Variants in NDST1 observed in about 807,000 individuals in gnomAD.
NDST1 encodes bifunctional heparan sulfate N-deacetylase/N-sulfotransferase 1.
In NDST1, 35 loss-of-function variants were observed where a neutral mutation model predicts 92.8. That is an observed-to-expected ratio of 0.38 (90% CI 0.29 to 0.50). The LOEUF (loss-of-function observed/expected upper bound fraction) is 0.50. Ranked by LOEUF, NDST1 falls within the 20% of genes least tolerant of loss-of-function variation. The pLI is 0.94. For synonymous variants in NDST1, 493 were observed against 500.3 expected (o/e 0.99, Z 0.19); for missense variants, 822 against 1,182.7 (o/e 0.69, Z 4.47).
At chr5:150,550,933 A>G (rs1251723989) in intron 13 of NDST1, 1 of 152,508 alleles carries the variant, frequency 6.6e-6, no homozygotes, top group Non-Finnish European at 1.5e-5. Flanking sequence ...CTTGGCATGC[A>G]CTAAGTGCTA....
At position 150,539,223 on chromosome 5, in the gene NDST1, C is replaced by G. The variant is rs781070780; in HGVS notation, c.1438-5C>G. On this transcript the variant is annotated splice_polypyrimidine_tract_variant and splice_region_variant and intron_variant, in intron 6 of 14. Transcript: ENST00000261797. ...CATAGCTCCTCTCCCCCACCCCCTC[C>G]TCAGGTTCTCCCACGGCAGACCTGC... The G allele has an allele frequency of 3.7e-6, 6 of 1,613,508 alleles. No individual in the cohort carries two copies. Among genetic ancestry groups the G allele is most frequent in the Non-Finnish European group, 5.1e-6 (6 of 1,179,428 alleles).
intron 5 of NDST1, 187 bp from the exon 6 acceptor site, chr5:150,535,513 C>G: frequency 1.4e-6 from 1 of 698,078 alleles, no homozygotes; most frequent in East Asian, 1.3e-4. Flanking sequence ...TGCCAGTTGC[C>G]CACACTGAGA....
chr5:150,509,619 T>C (rs1753626843), intron 1 of NDST1, among the ~76,000 whole-genome samples: 1 of 152,146 alleles, frequency 6.6e-6, no homozygotes, highest in Admixed American at 6.5e-5. Context: ...TTCAAGCGAT[T>C]CTCCTGCCTC....
chr5:150,549,801 T>C lies in NDST1; in HGVS notation c.2426+14T>C. 6.5e-7 allele frequency: 1 copy of C among 1,542,862 alleles called. No homozygotes were observed. The highest frequency in any genetic ancestry group is 1.7e-5 in the Admixed American group (1 of 59,900). On this transcript the variant is annotated intron_variant, in intron 13 of 14. Transcript: ENST00000261797. Reference sequence around the variant, plus strand: ...CAAAACCTTGGCGTGAGTGTTGCCTTTTCCTTTCTGCAGGTTATTTCCCTG... The same window carrying C: ...CAAAACCTTGGCGTGAGTGTTGCCTCTTCCTTTCTGCAGGTTATTTCCCTG...
rs151162884 is a variant in NDST1, at chr5:150,553,008, C to T, written c.2530-205C>T. Among the ~76,000 whole-genome samples the T allele has an allele frequency of 1.2e-3, 185 of 152,136 alleles. 1 individual carries two copies. Among genetic ancestry groups the T allele is most frequent in the African/African-American group, 4.1e-3 (169 of 41,498 alleles). On this transcript the variant is annotated intron_variant, in intron 14 of 14. Transcript: ENST00000261797. The surrounding 1 kb of genome is among the most constrained non-coding windows in gnomAD (Gnocchi z 4.2). ...ATTACTGGCGCCCACCACCTCACCC[C>T]GCTAATTTTTGTATTTTTAGTAGGG... is the stretch of plus-strand genomic sequence containing the variant.
chr5:150,539,249 G>A lies in NDST1; in HGVS notation c.1459G>A (p.Gly487Ser), dbSNP rs1755134882. 6.2e-7 allele frequency: 1 copy of A among 1,613,756 alleles called. No individual in the cohort carries two copies. Among genetic ancestry groups the A allele is most frequent in the South Asian group, 1.1e-5 (1 of 91,054 alleles). The change falls in exon 7 of 15, where the codon GGC (glycine) becomes AGC (serine). Residue 487 changes from glycine (G) to serine (S), a missense_variant. Gly to Ser is a moderately conservative substitution (Grantham distance 56, BLOSUM62 0). Transcript: ENST00000261797. The stretch of plus-strand genomic sequence containing the variant: ...TCAGGTTCTCCCACGGCAGACCTGC[G>A]GCCTCTTCACACACACCATCTTCTA... ...GIMVLPRQTCGLFTHTIFYNE... is the reference protein window; with the variant it reads ...GIMVLPRQTCSLFTHTIFYNE...
intron 10 of NDST1, among the ~76,000 whole-genome samples, 185 bp downstream of exon 10, chr5:150,543,156 C>T (rs909446713): frequency 3.9e-5 from 6 of 152,190 alleles, no homozygotes; most frequent in African/African-American, 1.2e-4. Context: ...ACAGGACACT[C>T]GATGAGGAGG....
At chr5:150,542,378 A>G (rs1755284436) in intron 9 of NDST1, among the ~76,000 whole-genome samples, 1 of 152,254 alleles carries the variant, frequency 6.6e-6, no homozygotes, top group Non-Finnish European at 1.5e-5. Flanking sequence ...AAGAAGAGAC[A>G]TAGGAACAAG....
intron 2 of NDST1, among the ~76,000 whole-genome samples, chr5:150,527,406 G>T (rs1255356311): frequency 6.6e-6 from 1 of 152,186 alleles, no homozygotes; most frequent in Non-Finnish European, 1.5e-5. Flanking sequence ...AGAAACTGAG[G>T]CACAGAGAGG....
At chr5:150,546,253 C>T (rs961365817) in intron 11 of NDST1, among the ~76,000 whole-genome samples, 3 of 152,188 alleles carry the variant, frequency 2.0e-5, no homozygotes, top group Non-Finnish European at 4.4e-5. Context: ...GCCTCGGCCT[C>T]TCAAAGTGCT....
At chr5:150,539,724 C>T in intron 7 of NDST1, 1 of 984,870 alleles carries the variant, frequency 1.0e-6, no homozygotes, top group Non-Finnish European at 1.2e-6. Context: ...CAAACAATTA[C>T]CTCTGCTTTA....
At chr5:150,510,248 G>A (rs1425474136) in intron 1 of NDST1, among the ~76,000 whole-genome samples, 4 of 152,310 alleles carry the variant, frequency 2.6e-5, no homozygotes, top group East Asian at 3.9e-4. Flanking sequence ...CCACATGTTC[G>A]CAGGAGCTTA....
intron 6 of NDST1, among the ~76,000 whole-genome samples, chr5:150,538,495 C>T (rs1212679206): frequency 6.6e-6 from 1 of 152,202 alleles, no homozygotes; most frequent in Non-Finnish European, 1.5e-5. Flanking sequence ...TGTGGCCATA[C>T]TCTGGGCTTA....
At chr5:150,549,869 T>G in intron 13 of NDST1, 82 bp downstream of exon 13, 1 of 831,600 alleles carries the variant, frequency 1.2e-6, no homozygotes, top group Non-Finnish European at 2.1e-6. Context: ...TGAATAATTA[T>G]GAGAGAGAGA....
At chr5:150,542,302 A>C (rs1315194319) in intron 9 of NDST1, among the ~76,000 whole-genome samples, 1 of 152,234 alleles carries the variant, frequency 6.6e-6, no homozygotes, top group Non-Finnish European at 1.5e-5. Flanking sequence ...CTTATACCAC[A>C]GAAAGTGAAT....
chr5:150,534,616 TG>T (rs1754900072), intron 4 of NDST1, among the ~76,000 whole-genome samples: 1 of 152,254 alleles, frequency 6.6e-6, no homozygotes, highest in Non-Finnish European at 1.5e-5. Flanking sequence ...CCCTGAATTG[TG>T]CAGATGGTCC....
chr5:150,535,408 G>A (rs1424818899), intron 5 of NDST1: 4 of 984,908 alleles, frequency 4.1e-6, no homozygotes, highest in Admixed American at 6.1e-5. Flanking sequence ...AAAGGCCCTC[G>A]TCCTTGTCCC....
chr5:150,535,966 A>C (rs975132844), intron 6 of NDST1, 81 bp downstream of exon 6: 1 of 1,485,288 alleles, frequency 6.7e-7, no homozygotes, highest in African/African-American at 1.4e-5. Context: ...TGTCCTGGTA[A>C]GCACGGCTCT....
chr5:150,555,437 T>A lies in NDST1; in HGVS notation c.*2105T>A, dbSNP rs1278406294. The stretch of plus-strand genomic sequence containing the variant: ...ACTCAGTGGGACCAGCTGCAGGTGG[T>A]TTCACTGTGTACACAGCAGTGTCCC... On this transcript the variant is annotated 3_prime_UTR_variant, in exon 15 of 15. Coordinates refer to ENST00000261797, the MANE Select transcript of NDST1 (RefSeq NM_001543.5). 6.5e-6 allele frequency: 1 copy of A among 152,724 alleles called. No homozygotes were observed. Among genetic ancestry groups the A allele is most frequent in the African/African-American group, 2.4e-5 (1 of 41,430 alleles). 9.5% of individuals were successfully genotyped at this position (152,724 alleles called of 1,614,324 possible). A position where few individuals can be genotyped will look rare whatever the true frequency, so the allele number is the denominator to read the frequency against.
Sources: allele counts gnomAD v4.1 joint callset (sites outside exome capture counted in the v4.1 genomes callset), GRCh38; gene constraint gnomAD v4.1.1; non-coding constraint Gnocchi (gnomAD v3.1); transcripts MANE v1.5; gene names NCBI Gene and HGNC (gene_info 2026-07-23, HGNC 2026-07-21).